ITPK1: variants seen among roughly 807,000 people sequenced by gnomAD.
The protein encoded by ITPK1 is inositol 1,3,4-trisphosphate 5/6-kinase.
ITPK1 carries 21 observed loss-of-function variants against 45.3 expected under a neutral mutation model. The observed-to-expected ratio is 0.46, with a 90% CI of 0.33 to 0.67. ITPK1 has a LOEUF of 0.67. Ranked by LOEUF, ITPK1 falls within the 30% of genes least tolerant of loss-of-function variation. The probability of loss-of-function intolerance (pLI) is 0.02; values close to 1 mark genes in which losing one functional copy is unlikely to be tolerated. For synonymous variants in ITPK1, 258 were observed against 253.6 expected (o/e 1.02, Z -0.16); for missense variants, 474 against 573.5 (o/e 0.83, Z 1.77).
chr14:93,073,622 C>CT (rs1227790005), intron 3 of ITPK1, among the ~76,000 whole-genome samples: 3 of 152,028 alleles, frequency 2.0e-5, no homozygotes, highest in African/African-American at 7.3e-5. Context: ...CCCCAACATC[C>CT]TTTTTTTTAG....
chr14:92,976,014 AG>A (rs1165735775), intron 5 of ITPK1, among the ~76,000 whole-genome samples: 7 of 152,178 alleles, frequency 4.6e-5, no homozygotes, highest in Non-Finnish European at 5.9e-5. Flanking sequence ...CATGTGAAGA[AG>A]GGCATGTTTG....
At chr14:93,097,278 T>G (rs1327193738) in intron 2 of ITPK1, among the ~76,000 whole-genome samples, 1 of 152,212 alleles carries the variant, frequency 6.6e-6, no homozygotes, top group East Asian at 1.9e-4. Flanking sequence ...ACCCCTTGAA[T>G]GTTAGCTGGC....
intron 4 of ITPK1, among the ~76,000 whole-genome samples, chr14:93,007,374 G>A (rs1411087251): frequency 3.0e-5 from 3 of 98,846 alleles, no homozygotes; most frequent in African/African-American, 3.9e-5. Flanking sequence ...ACAGTCGCCC[G>A]GCCGAGTCTG....
rs1020360979 is a variant in ITPK1, at chr14:92,937,907, C to T, written c.*3654G>A. On this transcript the variant is annotated 3_prime_UTR_variant, in exon 11 of 11. Coordinates refer to ENST00000267615, the MANE Select transcript of ITPK1 (RefSeq NM_014216.6). ...ATCCAATGGCCCATGAGCCACAGCT[C>T]GGGAAGGAGAAGGAGCTGCCGGGGA... is the stretch of plus-strand genomic sequence containing the variant. The T allele has an allele frequency of 5.1e-5, 8 of 155,652 alleles. No individual in the cohort carries two copies. In the South Asian group the frequency reaches 5.9e-4, roughly 12 times the overall value. 9.6% of individuals were successfully genotyped at this position (155,652 alleles called of 1,614,324 possible).
rs1884888438 is a variant in ITPK1 at position 92,958,741 on chromosome 14, C to G, written c.505-375G>C. 6.6e-6 allele frequency among the ~76,000 whole-genome samples: 1 copy of G among 152,162 alleles called. No homozygotes were observed. Among genetic ancestry groups the G allele is most frequent in the African/African-American group, 2.4e-5 (1 of 41,432 alleles). On this transcript the variant is annotated intron_variant, in intron 7 of 10. Coordinates refer to ENST00000267615, the MANE Select transcript of ITPK1 (RefSeq NM_014216.6). This position sits in a 1 kb window ranked among gnomAD's most constrained non-coding sequence, Gnocchi z 4.4. ...CATCCTAAAGGATCCTCCACAAAGA[C>G]CCGGGAGGAGGAAGGAAGCAGATGA...
At position 92,938,499 on chromosome 14, in the gene ITPK1, C is replaced by A; in HGVS notation, c.*3062G>T. On this transcript the variant is annotated 3_prime_UTR_variant, in exon 11 of 11. Coordinates refer to ENST00000267615, the MANE Select transcript of ITPK1 (RefSeq NM_014216.6). ...CTTCCTACTTCAGTCGGTCTTCCAG[C>A]CTTCTATAAAGCACACTTGGCAGTC... The A allele has an allele frequency of 6.2e-7, 1 of 1,613,584 alleles. No homozygotes were observed. The highest frequency in any genetic ancestry group is 8.5e-7 in the Non-Finnish European group (1 of 1,179,472).
At chr14:92,994,429 G>A (rs1034109566) in intron 4 of ITPK1, among the ~76,000 whole-genome samples, 3 of 152,150 alleles carry the variant, frequency 2.0e-5, no homozygotes, top group African/African-American at 7.2e-5. Flanking sequence ...AGAGAAACAC[G>A]CCACAGGGTG....
chr14:92,988,875 C>G (rs1886635957), intron 5 of ITPK1, among the ~76,000 whole-genome samples: 1 of 152,202 alleles, frequency 6.6e-6, no homozygotes, highest in African/African-American at 2.4e-5. Context: ...GTATTTAACC[C>G]AGTGCCTGGC....
intron 2 of ITPK1, among the ~76,000 whole-genome samples, chr14:93,087,571 CT>C (rs1210013478): frequency 6.6e-6 from 1 of 152,232 alleles, no homozygotes; most frequent in Non-Finnish European, 1.5e-5. Context: ...ATGTCATACC[CT>C]TTTACCATGT....
At chr14:93,071,606 A>G (rs1231816082) in intron 3 of ITPK1, 2 of 152,244 alleles carry the variant, frequency 1.3e-5, no homozygotes, top group Admixed American at 1.3e-4. Flanking sequence ...TCTCTTTTAA[A>G]TGGATCCAAT....
chr14:92,989,458 C>A (rs923117373), intron 5 of ITPK1, among the ~76,000 whole-genome samples: 1 of 152,188 alleles, frequency 6.6e-6, no homozygotes, highest in African/African-American at 2.4e-5. Flanking sequence ...CACAAACCCA[C>A]GCCATGCAAT....
At position 93,072,615 on chromosome 14, in the gene ITPK1, C is replaced by CTT. The variant is rs111822420; in HGVS notation, c.120+3978_120+3979dup. The stretch of plus-strand genomic sequence containing the variant: ...TAGTCATCTCTTATCAAATATTATT[C>CTT]TTTTTTTTTTTTTTTTTGAGACAGT... On this transcript the variant is annotated intron_variant, in intron 3 of 10. Transcript: ENST00000267615. Among the ~76,000 whole-genome samples the CTT allele has an allele frequency of 2.1e-4, 29 of 139,270 alleles. 1 individual carries two copies. Among genetic ancestry groups the CTT allele is most frequent in the South Asian group, 6.8e-4 (3 of 4,404 alleles). 91.4% of individuals were successfully genotyped at this position (139,270 alleles called of 152,430 possible).
At chr14:93,092,782 G>A (rs74451476) in intron 2 of ITPK1, among the ~76,000 whole-genome samples, 228 of 152,290 alleles carry the variant, frequency 1.5e-3, no homozygotes, top group African/African-American at 5.1e-3. Context: ...ACGACAGCCA[G>A]GGCACCCTCT....
intron 3 of ITPK1, among the ~76,000 whole-genome samples, chr14:93,027,821 AGCT>A (rs1365528868): frequency 6.6e-6 from 1 of 152,200 alleles, no homozygotes; most frequent in African/African-American, 2.4e-5. Flanking sequence ...CACCTGACCC[AGCT>A]GCTTTGGCTG....
intron 5 of ITPK1, among the ~76,000 whole-genome samples, chr14:92,986,424 T>C (rs1028626616): frequency 2.6e-5 from 4 of 151,926 alleles, no homozygotes; most frequent in African/African-American, 4.8e-5. Flanking sequence ...GAATTTTGGG[T>C]GAGAGCCAGA....
chr14:93,092,921 A>G (rs1891921104), intron 2 of ITPK1, among the ~76,000 whole-genome samples: 1 of 151,990 alleles, frequency 6.6e-6, no homozygotes, highest in Non-Finnish European at 1.5e-5. Flanking sequence ...CCACAGACTC[A>G]CCCACCCTCC....
chr14:93,090,364 G>C (rs2140004945), intron 2 of ITPK1, among the ~76,000 whole-genome samples: 1 of 152,318 alleles, frequency 6.6e-6, no homozygotes, highest in East Asian at 1.9e-4. Context: ...CAAGAGGAAG[G>C]ACACAGAGGA....
At chr14:92,974,447 G>T (rs552590017) in intron 5 of ITPK1, among the ~76,000 whole-genome samples, 4 of 152,272 alleles carry the variant, frequency 2.6e-5, no homozygotes, top group African/African-American at 9.6e-5. Context: ...TGACAGCCCT[G>T]CCTGGCTCCT....
At chr14:93,068,589 T>A (rs151305334) in intron 3 of ITPK1, 1 of 152,300 alleles carries the variant, frequency 6.6e-6, no homozygotes, top group Non-Finnish European at 1.5e-5. Flanking sequence ...TGTTCACAGG[T>A]GTCCACCCCT....
Sources: allele counts gnomAD v4.1 joint callset (sites outside exome capture counted in the v4.1 genomes callset), GRCh38; gene constraint gnomAD v4.1.1; non-coding constraint Gnocchi (gnomAD v3.1); transcripts MANE v1.5; gene names NCBI Gene and HGNC (gene_info 2026-07-23, HGNC 2026-07-21).